Variants in LAMA1 observed in about 807,000 individuals in gnomAD.
LAMA1 encodes the protein laminin subunit alpha 1, also known as laminin subunit alpha-1.
Under a neutral mutation model 348.7 loss-of-function variants are expected in LAMA1, and 219 were observed. The ratio of observed to expected loss-of-function variants is 0.63; its 90% confidence interval spans 0.56 to 0.70. The LOEUF is 0.70. LAMA1 is among the 30% of genes least tolerant of loss of function. LAMA1 has a pLI of 0.00. For synonymous variants in LAMA1, 1,487 were observed against 1,491.0 expected (o/e 1.00, Z 0.06); for missense variants, 3,744 against 3,888.0 (o/e 0.96, Z 0.99).
intron 23 of LAMA1, among the ~76,000 whole-genome samples, chr18:7,013,308 T>C (rs975401523): frequency 6.6e-6 from 1 of 152,136 alleles, no homozygotes; most frequent in Non-Finnish European, 1.5e-5. Flanking sequence ...TCACCACCCA[T>C]GGGAAAAGGA....
intron 10 of LAMA1, 117 bp downstream of exon 10, chr18:7,039,959 G>A: frequency 8.4e-7 from 1 of 1,189,950 alleles, no homozygotes; most frequent in Middle Eastern, 2.7e-4. Context: ...GGCAAGGGGA[G>A]TTCTGCTTAA....
At chr18:7,001,866 T>C (rs564091814) in intron 30 of LAMA1, among the ~76,000 whole-genome samples, 2 of 152,320 alleles carry the variant, frequency 1.3e-5, no homozygotes, top group South Asian at 4.1e-4. Flanking sequence ...CCAGCTTATA[T>C]AAACTCTAAC....
At chr18:6,958,736 T>G in intron 54 of LAMA1, 74 bp from the exon 55 acceptor site, 1 of 1,261,426 alleles carries the variant, frequency 7.9e-7, no homozygotes, top group Admixed American at 1.8e-5. Context: ...TAGTCCATAA[T>G]TCCCACAAGT....
At chr18:7,065,457 C>T (rs1371655531) in intron 3 of LAMA1, among the ~76,000 whole-genome samples, 1 of 152,140 alleles carries the variant, frequency 6.6e-6, no homozygotes, top group African/African-American at 2.4e-5. Context: ...TGGTGGCTCA[C>T]ACCTGTAATC....
Position 7,034,520 on chromosome 18 carries a change from C to T in LAMA1, c.2010G>A (p.Leu670=). 6.2e-7 allele frequency: 1 copy of T among 1,614,094 alleles called. No individual in the cohort carries two copies. Among genetic ancestry groups the T allele is most frequent in the South Asian group, 1.1e-5 (1 of 91,054 alleles). The change falls in exon 14 of 63, where the codon TTG becomes TTA. Residue 670 remains leucine, a synonymous_variant. Transcript: ENST00000389658. ...MTVLANVTHL[L]IRANYNSAKM... ...TTGCAGAATTGTAGTTGGCTCTGAT[C>T]AAAAGATGTGTCACATTGGCAAGGA...
At chr18:6,973,987 C>T (rs148163141) in intron 46 of LAMA1, among the ~76,000 whole-genome samples, 1 of 152,192 alleles carries the variant, frequency 6.6e-6, no homozygotes, top group Non-Finnish European at 1.5e-5. Flanking sequence ...CACTATGTTG[C>T]CCAGGCTAAC....
chr18:7,017,483 A>G, intron 19 of LAMA1, 99 bp from the exon 20 acceptor site: 1 of 825,774 alleles, frequency 1.2e-6, no homozygotes. Context: ...TAAACTTTCA[A>G]TGTTTCAAAT....
At chr18:7,095,071 T>G (rs1427016243) in intron 1 of LAMA1, among the ~76,000 whole-genome samples, 17 of 151,590 alleles carry the variant, frequency 1.1e-4, no homozygotes, top group African/African-American at 3.6e-4. Flanking sequence ...GACTGTTTTT[T>G]TTTTTTTTTT....
intron 54 of LAMA1, among the ~76,000 whole-genome samples, 191 bp downstream of exon 54, chr18:6,959,150 T>C (rs902304150): frequency 6.6e-6 from 1 of 152,182 alleles, no homozygotes; most frequent in African/African-American, 2.4e-5. Context: ...ATTATAAAAA[T>C]TCTACAAGTA....
intron 38 of LAMA1, 41 bp downstream of exon 38, chr18:6,985,486 C>T: frequency 2.5e-6 from 4 of 1,609,208 alleles, no homozygotes; most frequent in Non-Finnish European, 3.4e-6. Context: ...TGTGAAGATT[C>T]TTTAAAAACT....
intron 1 of LAMA1, among the ~76,000 whole-genome samples, chr18:7,106,664 G>A (rs1408108583): frequency 6.6e-6 from 1 of 151,806 alleles, no homozygotes; most frequent in East Asian, 2.0e-4. Flanking sequence ...CCGGCCAGAA[G>A]CATTTTTAAA....
At chr18:7,084,769 T>C (rs531590606) in intron 1 of LAMA1, among the ~76,000 whole-genome samples, 2 of 152,290 alleles carry the variant, frequency 1.3e-5, no homozygotes, top group Admixed American at 1.3e-4. Context: ...GCCACCAAGG[T>C]GGCAGACAAC....
chr18:7,065,248 A>C (rs1418650474), intron 3 of LAMA1, among the ~76,000 whole-genome samples: 2 of 151,074 alleles, frequency 1.3e-5, no homozygotes, highest in Non-Finnish European at 3.0e-5. Context: ...AAAAAAAAAA[A>C]AAAAACAACG....
intron 1 of LAMA1, among the ~76,000 whole-genome samples, chr18:7,087,306 C>G (rs1168281915): frequency 1.3e-5 from 2 of 152,140 alleles, no homozygotes; most frequent in Admixed American, 1.3e-4. Context: ...CACTATCTTC[C>G]AGAATAGGAA....
chr18:7,001,806 T>A (rs1468068274), intron 30 of LAMA1, among the ~76,000 whole-genome samples: 3 of 152,218 alleles, frequency 2.0e-5, no homozygotes, highest in African/African-American at 7.2e-5. Flanking sequence ...AAGTACAAGG[T>A]AGAAACTAGT....
chr18:7,027,056 T>C (rs1174753342), intron 16 of LAMA1, among the ~76,000 whole-genome samples: 1 of 151,494 alleles, frequency 6.6e-6, no homozygotes, highest in Non-Finnish European at 1.5e-5. Context: ...AGTAGAAACA[T>C]TTCCTGTTAA....
intron 1 of LAMA1, among the ~76,000 whole-genome samples, chr18:7,107,180 G>A (rs1296525213): frequency 3.3e-5 from 5 of 149,548 alleles, no homozygotes; most frequent in African/African-American, 1.2e-4. Flanking sequence ...GTGCAGTGGC[G>A]TGATCCTGGC....
At chr18:6,954,410 G>A (rs2057564723) in intron 57 of LAMA1, 1 of 152,594 alleles carries the variant, frequency 6.6e-6, no homozygotes, top group Non-Finnish European at 1.5e-5. Flanking sequence ...GAGAAGAGGG[G>A]AGATAGTGGT....
At chr18:7,051,326 C>T (rs1431337077) in intron 3 of LAMA1, among the ~76,000 whole-genome samples, 1 of 152,090 alleles carries the variant, frequency 6.6e-6, no homozygotes, top group Non-Finnish European at 1.5e-5. Flanking sequence ...TATATCAAAT[C>T]AAGTTGTACA....
Sources: allele counts gnomAD v4.1 joint callset (sites outside exome capture counted in the v4.1 genomes callset), GRCh38; gene constraint gnomAD v4.1.1; transcripts MANE v1.5; gene names NCBI Gene and HGNC (gene_info 2026-07-23, HGNC 2026-07-21).